ORC5: variants seen among roughly 807,000 people sequenced by gnomAD.
ORC5 encodes protein phosphatase 1, regulatory subunit 117.
ORC5 carries 39 observed loss-of-function variants against 58.8 expected under a neutral mutation model. The observed-to-expected ratio is 0.66, with a 90% confidence interval of 0.51 to 0.87. ORC5 has a LOEUF of 0.87. Ranked by LOEUF, ORC5 falls within the 40% of genes least tolerant of loss-of-function variation. The probability of loss-of-function intolerance (pLI) is 0.00; values close to 1 mark genes in which losing one functional copy is unlikely to be tolerated. For missense variants in ORC5, 493 were observed against 506.3 expected, an observed-to-expected ratio of 0.97 and a Z score of 0.25; for synonymous variants, 218 against 177.6, an observed-to-expected ratio of 1.23 and a Z score of -1.81.
intron 5 of ORC5, among the ~76,000 whole-genome samples, chr7:104,194,407 C>T (rs779011089): frequency 6.6e-5 from 10 of 152,038 alleles, no homozygotes; most frequent in Admixed American, 4.6e-4. Context: ...TTATACTTCA[C>T]AGTTATAATC....
intron 8 of ORC5, among the ~76,000 whole-genome samples, chr7:104,171,186 T>C (rs1799204962): frequency 6.6e-6 from 1 of 152,174 alleles, no homozygotes; most frequent in South Asian, 2.1e-4. Flanking sequence ...CAAGTAAAGG[T>C]GTGGTATTGC....
At chr7:104,169,954 T>A (rs1395440748) in intron 8 of ORC5, among the ~76,000 whole-genome samples, 3 of 152,192 alleles carry the variant, frequency 2.0e-5, no homozygotes, top group Non-Finnish European at 2.9e-5. Flanking sequence ...TTTGTTAGTT[T>A]CTCCAGTCAT....
chr7:104,160,327 T>A (rs1048238277), intron 12 of ORC5, among the ~76,000 whole-genome samples: 1 of 152,182 alleles, frequency 6.6e-6, no homozygotes, highest in Non-Finnish European at 1.5e-5. Flanking sequence ...ATTATTTACA[T>A]ATTTCTCAAC....
chr7:104,177,978 C>T (rs929653533), intron 8 of ORC5, among the ~76,000 whole-genome samples: 5 of 152,136 alleles, frequency 3.3e-5, no homozygotes, highest in Non-Finnish European at 5.9e-5. Flanking sequence ...CATTGATGGG[C>T]ATTTGGGTTG....
At chr7:104,170,272 T>A (rs1319661166) in intron 8 of ORC5, among the ~76,000 whole-genome samples, 4 of 152,206 alleles carry the variant, frequency 2.6e-5, no homozygotes, top group Non-Finnish European at 5.9e-5. Context: ...GGCTGAATAA[T>A]GGCTCTGCCT....
intron 12 of ORC5, among the ~76,000 whole-genome samples, chr7:104,144,665 G>T (rs1223522495): frequency 6.6e-6 from 1 of 152,234 alleles, no homozygotes. Context: ...GCTGAGGCAG[G>T]AGAATCGCTT....
At chr7:104,174,616 C>T (rs1269262724) in intron 8 of ORC5, among the ~76,000 whole-genome samples, 2 of 152,176 alleles carry the variant, frequency 1.3e-5, no homozygotes, top group Non-Finnish European at 2.9e-5. Flanking sequence ...AAGCTATTGT[C>T]ACACTGTATC....
At position 104,133,994 on chromosome 7, in the gene ORC5, AAGAAAG is replaced by A. The variant is rs758162359; in HGVS notation, c.1262+2781_1262+2786del. Among the ~76,000 whole-genome samples, 9 of 152,140 alleles carry A rather than the reference AAGAAAG, an allele frequency of 5.9e-5. No homozygotes were observed. The highest frequency in any genetic ancestry group is 1.0e-4 in the Non-Finnish European group (7 of 68,028). ...GGAACCCCATCCTGCTGAAAAAGGA[AAGAAAG>A]AGAAGATGGACACTAACACAGGTAG... On this transcript the variant is annotated intron_variant, in intron 13 of 13. Transcript: ENST00000297431. This position sits in a 1 kb window ranked among gnomAD's most constrained non-coding sequence, Gnocchi z 4.7.
At chr7:104,193,836 T>C (rs1464278163) in intron 5 of ORC5, among the ~76,000 whole-genome samples, 1 of 151,744 alleles carries the variant, frequency 6.6e-6, no homozygotes, top group Non-Finnish European at 1.5e-5. Flanking sequence ...TCACTAAAAT[T>C]AGTAAGACCA....
At chr7:104,153,113 CT>C (rs1191399888) in intron 12 of ORC5, among the ~76,000 whole-genome samples, 2 of 151,490 alleles carry the variant, frequency 1.3e-5, no homozygotes, top group East Asian at 3.8e-4. Flanking sequence ...ATATGCTGTG[CT>C]TTTTAGTATC....
intron 5 of ORC5, among the ~76,000 whole-genome samples, chr7:104,194,756 T>C (rs960491971): frequency 6.6e-6 from 1 of 152,130 alleles, no homozygotes; most frequent in African/African-American, 2.4e-5. Flanking sequence ...AATATAAATA[T>C]ACATCTTAAT....
chr7:104,195,415 G>A (rs1309450292), intron 4 of ORC5, among the ~76,000 whole-genome samples, 161 bp from the exon 5 acceptor site: 1 of 152,140 alleles, frequency 6.6e-6, no homozygotes, highest in Non-Finnish European at 1.5e-5. Flanking sequence ...TAATCAAGGA[G>A]CTCATTCGTT....
rs1002889854 is a variant in ORC5, at chr7:104,196,109, A to C, written c.442-855T>G. Reference sequence around the variant, plus strand: ...AGCTGAGATTACTCTAAATCTTTTAATTTTCTTCAAACAGTTTCTGTAATT... The same window carrying C: ...AGCTGAGATTACTCTAAATCTTTTACTTTTCTTCAAACAGTTTCTGTAATT... On this transcript the variant is annotated intron_variant, in intron 4 of 13. Transcript: ENST00000297431. Among the ~76,000 whole-genome samples the C allele has an allele frequency of 2.6e-5, 4 of 152,176 alleles. No individual in the cohort carries two copies. In the East Asian group the frequency reaches 7.7e-4, roughly 29 times the overall value.
intron 13 of ORC5, among the ~76,000 whole-genome samples, chr7:104,130,852 G>A (rs1798502396): frequency 6.6e-6 from 1 of 152,096 alleles, no homozygotes; most frequent in South Asian, 2.1e-4. Flanking sequence ...CTATATGCTA[G>A]GCACTGAATT....
chr7:104,192,831 A>G (rs894086518), intron 5 of ORC5, among the ~76,000 whole-genome samples: 2 of 151,992 alleles, frequency 1.3e-5, no homozygotes, highest in Non-Finnish European at 2.9e-5. Context: ...GAAATATTCT[A>G]CAGGATTAGA....
intron 12 of ORC5, among the ~76,000 whole-genome samples, chr7:104,146,197 T>G (rs1484474859): frequency 6.6e-6 from 1 of 152,112 alleles, no homozygotes; most frequent in Non-Finnish European, 1.5e-5. Flanking sequence ...TCTGAAAAAG[T>G]GAGAAAGTAA....
intron 11 of ORC5, among the ~76,000 whole-genome samples, chr7:104,163,107 C>T (rs1799050006): frequency 6.6e-6 from 1 of 152,136 alleles, no homozygotes; most frequent in Non-Finnish European, 1.5e-5. Flanking sequence ...TAATCTTGTA[C>T]ATTTCTCCTT....
intron 11 of ORC5, among the ~76,000 whole-genome samples, chr7:104,161,878 G>C (rs1347283342): frequency 1.3e-5 from 2 of 152,094 alleles, no homozygotes; most frequent in East Asian, 1.9e-4. Flanking sequence ...TTGTAGACTA[G>C]AGCTTACTAC....
intron 12 of ORC5, among the ~76,000 whole-genome samples, chr7:104,142,535 G>T (rs1000856806): frequency 6.6e-6 from 1 of 152,018 alleles, no homozygotes; most frequent in South Asian, 2.1e-4. Context: ...ATTAACAATT[G>T]TATTAAAAGT....
Sources: gnomAD v4.1 joint callset for allele counts (sites outside exome capture counted in the v4.1 genomes callset) on GRCh38, gnomAD v4.1.1 for gene constraint, Gnocchi (gnomAD v3.1) non-coding constraint, MANE v1.5 for transcripts, NCBI Gene and HGNC (gene_info 2026-07-23, HGNC 2026-07-21) for gene names.